The following NEBL variants were observed in gnomAD, a reference collection of about 807,000 sequenced individuals.
NEBL encodes nebulette.
In NEBL, 122 loss-of-function variants were observed where a neutral mutation model predicts 140.2. The observed-to-expected ratio is 0.87, with a 90% CI of 0.75 to 1.01. The LOEUF is 1.01. NEBL is among the 50% of genes least tolerant of loss of function. NEBL has a pLI of 0.00. For missense variants in NEBL, 1,365 were observed against 1,231.3 expected, an observed-to-expected ratio of 1.11 and a Z score of -1.62; for synonymous variants, 436 against 398.9, an observed-to-expected ratio of 1.09 and a Z score of -1.11.
At chr10:21,235,764 AAAAAAT>A (rs1331359660) in intron 3 of NEBL, among the ~76,000 whole-genome samples, 2 of 152,202 alleles carry the variant, frequency 1.3e-5, no homozygotes, top group Admixed American at 6.5e-5. Flanking sequence ...TGCCTGTTTT[AAAAAAT>A]ATATTTGATT....
intron 7 of NEBL, among the ~76,000 whole-genome samples, chr10:20,860,122 T>C (rs1843526114): frequency 6.6e-6 from 1 of 152,122 alleles, no homozygotes; most frequent in Non-Finnish European, 1.5e-5. Flanking sequence ...TGCATTTCTA[T>C]AATCTATGAT....
chr10:20,960,868 G>A (rs1423681357), intron 4 of NEBL, among the ~76,000 whole-genome samples: 1 of 151,964 alleles, frequency 6.6e-6, no homozygotes, highest in Non-Finnish European at 1.5e-5. Flanking sequence ...TATAAGTGAC[G>A]CACAAAATAC....
upstream of NEBL, among the ~76,000 whole-genome samples, chr10:21,179,619 G>C (rs1841356520): frequency 6.6e-6 from 1 of 151,848 alleles, no homozygotes. Context: ...AAACCCTACT[G>C]TTTCAGTGTA....
At chr10:21,172,566 C>T in intron 1 of NEBL, 2 of 881,776 alleles carry the variant, frequency 2.3e-6, no homozygotes, top group South Asian at 2.8e-5. Flanking sequence ...TAGTGCATCA[C>T]AGTCCCTGTA....
intron 3 of NEBL, among the ~76,000 whole-genome samples, chr10:20,979,792 T>C: frequency 6.6e-6 from 1 of 152,160 alleles, no homozygotes; most frequent in South Asian, 2.1e-4. Flanking sequence ...CTGCAACCTC[T>C]AACTCTTGTG....
At chr10:21,115,771 C>A (rs1838255973) in intron 2 of NEBL, among the ~76,000 whole-genome samples, 1 of 151,888 alleles carries the variant, frequency 6.6e-6, no homozygotes, top group Non-Finnish European at 1.5e-5. Context: ...TATTTTTCAG[C>A]CACTATTTCT....
At chr10:20,869,961 T>A in intron 5 of NEBL, 120 bp from the exon 6 acceptor site, 1 of 745,852 alleles carries the variant, frequency 1.3e-6, no homozygotes, top group Non-Finnish European at 2.3e-6. Context: ...CTACTGACCT[T>A]AAGTTGGCTT....
intron 4 of NEBL, among the ~76,000 whole-genome samples, chr10:20,905,180 T>C (rs1481173473): frequency 1.3e-5 from 2 of 152,172 alleles, no homozygotes; most frequent in Non-Finnish European, 1.5e-5. Flanking sequence ...AACTAGATGA[T>C]TTGGCACTTT....
At chr10:20,850,599 G>C in intron 10 of NEBL, 97 bp from the exon 11 acceptor site, 1 of 810,374 alleles carries the variant, frequency 1.2e-6, no homozygotes, top group Admixed American at 2.1e-5. Flanking sequence ...TCATCTTGTT[G>C]TCTAAAATCA....
intron 9 of NEBL, among the ~76,000 whole-genome samples, chr10:20,857,247 A>C (rs950089750): frequency 2.6e-5 from 4 of 152,250 alleles, no homozygotes; most frequent in Non-Finnish European, 4.4e-5. Context: ...ATACATTTCA[A>C]AACACTGAAG....
At position 20,790,731 on chromosome 10, in the gene NEBL, C is replaced by T. The variant is rs939483790; in HGVS notation, c.2762-3423G>A. Among the ~76,000 whole-genome samples, 6 of 152,072 alleles carry T rather than the reference C, an allele frequency of 3.9e-5. No individual in the cohort carries two copies. The East Asian group carries it at 9.6e-4, about 24-fold the overall frequency. On this transcript the variant is annotated intron_variant, in intron 26 of 27. Transcript: ENST00000377122. Reference sequence around the variant, plus strand: ...TAAACACTGCTTTTCTATTGTTATGCTACAGGAATGCCTTTTTTGGAAACT... The same window carrying T: ...TAAACACTGCTTTTCTATTGTTATGTTACAGGAATGCCTTTTTTGGAAACT...
chr10:21,066,962 A>G, intron 2 of NEBL, among the ~76,000 whole-genome samples: 1 of 127,780 alleles, frequency 7.8e-6, no homozygotes, highest in African/African-American at 2.8e-5. Flanking sequence ...GTTTCCTGAA[A>G]TAATTTAACT....
intron 1 of NEBL, among the ~76,000 whole-genome samples, chr10:21,253,844 CA>C (rs1588566589): frequency 6.6e-6 from 1 of 152,076 alleles, no homozygotes; most frequent in African/African-American, 2.4e-5. Context: ...CGCACCTGGC[CA>C]AAATGCCAAC....
intron 26 of NEBL, among the ~76,000 whole-genome samples, chr10:20,791,747 G>A (rs557124124): frequency 7.9e-5 from 12 of 152,170 alleles, no homozygotes; most frequent in South Asian, 2.1e-4. Context: ...GGAAATATAC[G>A]TAAATACACA....
At position 20,781,374 on chromosome 10, in the gene NEBL, G is replaced by C. The variant is rs944302326; in HGVS notation, c.*4373C>G. On this transcript the variant is annotated 3_prime_UTR_variant, in exon 28 of 28. Transcript: ENST00000377122. ...GCAAACAGAAGCCAAACTGTACAAT[G>C]GTTCAATTTTGATCACAGGTCAAAC... The C allele has an allele frequency of 6.6e-6, 1 of 152,298 alleles. No homozygotes were observed. Among genetic ancestry groups the C allele is most frequent in the Non-Finnish European group, 1.5e-5 (1 of 68,020 alleles). The allele number at this position is 152,298 out of a possible 1,614,324, so 9.4% of individuals were successfully genotyped here. A position where few individuals can be genotyped will look rare whatever the true frequency, so the allele number is the denominator to read the frequency against.
chr10:20,870,325 CA>C lies in NEBL; in HGVS notation c.481-485del, dbSNP rs35138107. Among the ~76,000 whole-genome samples, 454 of 107,884 alleles carry C rather than the reference CA, an allele frequency of 4.2e-3. 9 individuals carry two copies. In the East Asian group the frequency reaches 0.07, roughly 17 times the overall value. 70.8% of individuals were successfully genotyped at this position (107,884 alleles called of 152,430 possible). A position where few individuals can be genotyped will look rare whatever the true frequency, so the allele number is the denominator to read the frequency against. On this transcript the variant is annotated intron_variant, in intron 5 of 27. Transcript: ENST00000377122. ...TGGGCAAAAGAGTGGGACTTTATCT[CA>C]AAAAAAAAAAAAAAAAAAACTTGAA...
intron 1 of NEBL, among the ~76,000 whole-genome samples, chr10:21,289,066 C>T (rs1274320767): frequency 6.6e-6 from 1 of 151,224 alleles, no homozygotes; most frequent in Non-Finnish European, 1.5e-5. Context: ...CCAGGCTGGT[C>T]TTGAACTCCT....
In NEBL at chr10:20,840,795, T is replaced by C; in HGVS notation, c.1282A>G (p.Asn428Asp). 1 of 1,611,738 alleles carries C rather than the reference T, an allele frequency of 6.2e-7. No individual in the cohort carries two copies. The highest frequency in any genetic ancestry group is 8.5e-7 in the Non-Finnish European group (1 of 1,178,402). Residue 428 changes from asparagine to aspartate, a missense_variant, in exon 13 of 28, where the codon AAT (asparagine) becomes GAT (aspartate). Coordinates refer to ENST00000377122, the MANE Select transcript of NEBL (RefSeq NM_006393.3). ...CTTTGGATATCAAGAACTTCTGAAT[T>C]AAGTTCCATTCCTTTCCCTTTTATC... ...NEIKGKGMEL[N>D]SEVLDIQRAK...
At chr10:21,068,364 C>T (rs1339649097) in intron 2 of NEBL, among the ~76,000 whole-genome samples, 1 of 152,204 alleles carries the variant, frequency 6.6e-6, no homozygotes, top group African/African-American at 2.4e-5. Flanking sequence ...TTTTGGTTTG[C>T]ATGGGGCTGT....
Sources: gnomAD v4.1 joint callset for allele counts (sites outside exome capture counted in the v4.1 genomes callset) on GRCh38, gnomAD v4.1.1 for gene constraint, MANE v1.5 for transcripts, NCBI Gene and HGNC (gene_info 2026-07-23, HGNC 2026-07-21) for gene names.